The following TTLL6 variants were observed in gnomAD, a reference collection of about 807,000 sequenced individuals.
TTLL6 encodes the protein tubulin tyrosine ligase like 6.
Under a neutral mutation model 96.4 loss-of-function variants are expected in TTLL6, and 75 were observed. The ratio of observed to expected loss-of-function variants is 0.78; its 90% confidence interval spans 0.65 to 0.94. The LOEUF is 0.94. Ranked by LOEUF, TTLL6 falls within the 40% of genes least tolerant of loss-of-function variation. The pLI, the probability that TTLL6 is intolerant of heterozygous loss-of-function variation, is 0.00. For synonymous variants in TTLL6, 411 were observed against 419.4 expected, an observed-to-expected ratio of 0.98 and a Z score of 0.24; for missense variants, 1,030 against 1,093.0, an observed-to-expected ratio of 0.94 and a Z score of 0.81.
At chr17:48,770,510 G>GTTATTATTATGATTA (rs2038719802) in intron 13 of TTLL6, among the ~76,000 whole-genome samples, 1 of 147,814 alleles carries the variant, frequency 6.8e-6, no homozygotes, top group African/African-American at 2.5e-5. Context: ...TATTGTTGTT[G>GTTATTATTATGATTA]TTATTATTAT....
intron 13 of TTLL6, among the ~76,000 whole-genome samples, chr17:48,782,113 T>TC (rs1162479023): frequency 1.3e-5 from 2 of 149,826 alleles, no homozygotes; most frequent in African/African-American, 2.5e-5. Flanking sequence ...TTCTTTTTTT[T>TC]TTTTTTTTTT....
At chr17:48,809,860 AAAAG>A (rs2039553863) in intron 1 of TTLL6, among the ~76,000 whole-genome samples, 1 of 152,036 alleles carries the variant, frequency 6.6e-6, no homozygotes, top group Admixed American at 6.6e-5. Flanking sequence ...TCAAAAAAAG[AAAAG>A]AAAGGCCGGG....
chr17:48,784,887 C>G, intron 13 of TTLL6, 36 bp downstream of exon 13: 1 of 1,579,512 alleles, frequency 6.3e-7, no homozygotes, highest in Non-Finnish European at 8.7e-7. Flanking sequence ...AGCAAGACTC[C>G]CACCACTCCC....
chr17:48,777,482 G>A (rs1401845235), intron 13 of TTLL6, among the ~76,000 whole-genome samples: 1 of 152,064 alleles, frequency 6.6e-6, no homozygotes, highest in East Asian at 1.9e-4. Context: ...TGTAATCCCA[G>A]CACTTTGGGA....
intron 5 of TTLL6, 111 bp downstream of exon 5, chr17:48,801,144 G>A (rs990835348): frequency 1.1e-6 from 1 of 944,954 alleles, no homozygotes; most frequent in East Asian, 2.6e-5. Flanking sequence ...AGTAGCCAGA[G>A]AGATGGGAGT....
At chr17:48,815,128 G>T (rs1294206619) in intron 1 of TTLL6, among the ~76,000 whole-genome samples, 3 of 152,120 alleles carry the variant, frequency 2.0e-5, no homozygotes, top group Non-Finnish European at 4.4e-5. Context: ...TCCTATAAAT[G>T]ATAGAAAACA....
At position 48,770,510 on chromosome 17, in the gene TTLL6, G is replaced by GTTGTTATTATTA. The variant is rs1555563118; in HGVS notation, c.2041-414_2041-413insTAATAATAACAA. On this transcript the variant is annotated intron_variant, in intron 13 of 15. Transcript: ENST00000393382. Reference sequence around the variant, plus strand: ...AACAATAGGTATTATTATTGTTGTTGTTATTATTATTATTATTATTATTTG... The same window carrying GTTGTTATTATTA: ...AACAATAGGTATTATTATTGTTGTTGTTGTTATTATTATTATTATTATTATTATTATTATTTG... Among the ~76,000 whole-genome samples the GTTGTTATTATTA allele has an allele frequency of 2.0e-3, 296 of 147,854 alleles. 1 individual carries two copies. Among genetic ancestry groups the GTTGTTATTATTA allele is most frequent in the African/African-American group, 7.0e-3 (283 of 40,158 alleles).
At chr17:48,770,490 T>C (rs1225917918) in intron 13 of TTLL6, among the ~76,000 whole-genome samples, 1 of 144,740 alleles carries the variant, frequency 6.9e-6, no homozygotes. Context: ...ATCAGAACAA[T>C]AGGTATTATT....
chr17:48,783,319 G>A (rs2143300717), intron 13 of TTLL6, among the ~76,000 whole-genome samples: 1 of 152,258 alleles, frequency 6.6e-6, no homozygotes, highest in African/African-American at 2.4e-5. Flanking sequence ...TCAGTGGGAG[G>A]AACACAAAGA....
At chr17:48,793,662 T>TGGGTAA (rs2039267676) in intron 8 of TTLL6, among the ~76,000 whole-genome samples, 1 of 150,268 alleles carries the variant, frequency 6.7e-6, no homozygotes. Flanking sequence ...CATGGCTTAG[T>TGGGTAA]GGGTAAGGGC....
In TTLL6 at chr17:48,786,324, T is replaced by A; in HGVS notation, c.1601A>T (p.Gln534Leu). ...TTTCTCCCGTTTTAGTCTCAGCTCCTGGATCAGTTGCCTGCCCATGAAGAA... is the reference window on the plus strand; with the variant it reads ...TTTCTCCCGTTTTAGTCTCAGCTCCAGGATCAGTTGCCTGCCCATGAAGAA... ...AREEYARQLIQELRLKREKKP... is the reference protein window; with the variant it reads ...AREEYARQLILELRLKREKKP... Residue 534 changes from glutamine (Q) to leucine (L), a missense_variant, in exon 12 of 16, where the codon CAG becomes CTG. Coordinates refer to ENST00000393382, the MANE Select transcript of TTLL6 (RefSeq NM_001130918.3). 6.2e-7 allele frequency: 1 copy of A among 1,614,260 alleles called. No homozygotes were observed. Among genetic ancestry groups the A allele is most frequent in the East Asian group, 2.2e-5 (1 of 44,890 alleles).
At position 48,773,728 on chromosome 17, in the gene TTLL6, A is replaced by G. The variant is rs76021145; in HGVS notation, c.2041-3631T>C. 3.6e-4 allele frequency among the ~76,000 whole-genome samples: 55 copies of G among 152,208 alleles called. 3 individuals carry two copies. In the East Asian group the frequency reaches 0.01, roughly 29 times the overall value. On this transcript the variant is annotated intron_variant, in intron 13 of 15. Transcript: ENST00000393382. ...CAGAGTGAGAGCCTGTTTAAAAATAAAAATAAATAAATGATTATATTAGGA... is the reference window on the plus strand; with the variant it reads ...CAGAGTGAGAGCCTGTTTAAAAATAGAAATAAATAAATGATTATATTAGGA...
At chr17:48,799,018 G>A (rs575153253) in intron 6 of TTLL6, among the ~76,000 whole-genome samples, 2 of 152,060 alleles carry the variant, frequency 1.3e-5, no homozygotes, top group South Asian at 2.1e-4. Context: ...AAAGGGTTTC[G>A]TCATGTTTCC....
intron 13 of TTLL6, among the ~76,000 whole-genome samples, chr17:48,783,621 G>T (rs1208980579): frequency 6.6e-6 from 1 of 151,872 alleles, no homozygotes; most frequent in Non-Finnish European, 1.5e-5. Context: ...AGTAGAGATG[G>T]GGTTTCACCA....
chr17:48,808,553 A>C (rs2039537651), intron 1 of TTLL6, among the ~76,000 whole-genome samples: 1 of 151,980 alleles, frequency 6.6e-6, no homozygotes, highest in African/African-American at 2.4e-5. Context: ...TCCCCTCTCT[A>C]TACATATTTG....
rs541753540 is a variant in TTLL6, at chr17:48,794,086, C to T, written c.998+1975G>A. ...GGCAGGCGGAGGCCACGGGGGCACACGGCTGCTCCAGGAGAGAGTGGATGG... is the reference window on the plus strand; with the variant it reads ...GGCAGGCGGAGGCCACGGGGGCACATGGCTGCTCCAGGAGAGAGTGGATGG... On this transcript the variant is annotated intron_variant, in intron 8 of 15. Coordinates refer to ENST00000393382, the MANE Select transcript of TTLL6 (RefSeq NM_001130918.3). 2.1e-5 allele frequency: 32 copies of T among 1,505,324 alleles called. No individual in the cohort carries two copies. In the East Asian group the frequency reaches 2.5e-4, roughly 12 times the overall value. The allele number at this position is 1,505,324 out of a possible 1,614,324, so 93.2% of individuals were successfully genotyped here.
intron 13 of TTLL6, among the ~76,000 whole-genome samples, chr17:48,776,925 C>G (rs947658307): frequency 1.3e-5 from 2 of 150,800 alleles, no homozygotes; most frequent in African/African-American, 4.9e-5. Context: ...AAAAGAACAG[C>G]AAAAGTGGAG....
chr17:48,775,520 C>CTATTATTAT (rs369248868), intron 13 of TTLL6, among the ~76,000 whole-genome samples: 14,033 of 143,126 alleles, frequency 0.098, 772 homozygotes, highest in African/African-American at 0.15. Context: ...CAACATCCAT[C>CTATTATTAT]TATTATTATT....
rs1429928300 is a variant in TTLL6, at chr17:48,801,576, C to T, written c.429G>A (p.Trp143Ter). 2 of 1,551,750 alleles carry T rather than the reference C, an allele frequency of 1.3e-6. No individual in the cohort carries two copies. Among genetic ancestry groups the T allele is most frequent in the Non-Finnish European group, 1.7e-6 (2 of 1,147,024 alleles). ...GGEDDDWTLYWTDYSVSLERV... is the reference protein window; with the variant it reads ...GGEDDDWTLY ...GCTCCAGTGACACTGAGTAATCTGT[C>T]CAATAGAGAGTCCAGTCATCGTCTT... Residue 143 changes from tryptophan (W) to a stop codon, truncating the protein, a stop_gained, in exon 4 of 16, where the codon TGG becomes TGA. Transcript: ENST00000393382. LOFTEE classifies it high-confidence loss of function.
Sources: allele counts gnomAD v4.1 joint callset (sites outside exome capture counted in the v4.1 genomes callset), GRCh38; gene constraint gnomAD v4.1.1; transcripts MANE v1.5; gene names NCBI Gene and HGNC (gene_info 2026-07-23, HGNC 2026-07-21).